The following IRAK2 variants were observed in gnomAD, a reference collection of about 807,000 sequenced individuals.
IRAK2 encodes the protein interleukin-1 receptor-associated kinase-like 2.
A neutral mutation model predicts 72.0 loss-of-function variants in IRAK2; 57 were observed. The observed-to-expected ratio is 0.79, with a 90% CI of 0.64 to 0.99. The LOEUF (loss-of-function observed/expected upper bound fraction) is 0.99, where lower values mean the gene tolerates loss of function less well. IRAK2 is among the 50% of genes least tolerant of loss of function. IRAK2 has a pLI of 0.00. For synonymous variants in IRAK2, 293 were observed against 312.7 expected, an observed-to-expected ratio of 0.94 and a Z score of 0.67; for missense variants, 790 against 794.4, an observed-to-expected ratio of 0.99 and a Z score of 0.07.
chr3:10,233,295 G>GC (rs916315895), intron 10 of IRAK2, among the ~76,000 whole-genome samples: 1 of 152,038 alleles, frequency 6.6e-6, no homozygotes, highest in Non-Finnish European at 1.5e-5. Context: ...CGAGTGATCT[G>GC]CCAGTCTCGG....
chr3:10,184,680 A>G (rs913579037), intron 2 of IRAK2, among the ~76,000 whole-genome samples: 2 of 150,200 alleles, frequency 1.3e-5, no homozygotes, highest in Non-Finnish European at 2.9e-5. Context: ...CAGAGGAGCA[A>G]TTGTAAAACT....
chr3:10,183,940 G>A (rs746651343), intron 2 of IRAK2, among the ~76,000 whole-genome samples: 4 of 152,110 alleles, frequency 2.6e-5, no homozygotes, highest in Non-Finnish European at 4.4e-5. Context: ...AAAGACAGGC[G>A]TTCGTTTCCC....
At chr3:10,179,255 C>G (rs1696924517) in intron 2 of IRAK2, among the ~76,000 whole-genome samples, 1 of 150,764 alleles carries the variant, frequency 6.6e-6, no homozygotes, top group South Asian at 2.1e-4. Flanking sequence ...TGTTTATGTT[C>G]CTTCTAGCAT....
chr3:10,177,900 G>A lies in IRAK2; in HGVS notation c.157G>A (p.Gly53Ser). ...RKIKSMERVQ[G>S]VSITRELLWW... ...GATCAAGTCCATGGAGCGGGTGCAG[G>A]GTGTGAGCATCACGCGGGAGCTGCT... Residue 53 changes from glycine (G) to serine (S), a missense_variant, in exon 2 of 13, where the codon GGT becomes AGT. Gly to Ser is a moderately conservative substitution (Grantham distance 56). Transcript: ENST00000256458. 1 of 1,613,874 alleles carries A rather than the reference G, an allele frequency of 6.2e-7. No individual in the cohort carries two copies. The highest frequency in any genetic ancestry group is 8.5e-7 in the Non-Finnish European group (1 of 1,180,030).
chr3:10,211,240 T>TAAGCGA (rs1697513467), intron 4 of IRAK2, among the ~76,000 whole-genome samples: 1 of 150,232 alleles, frequency 6.7e-6, no homozygotes, highest in Non-Finnish European at 1.5e-5. Flanking sequence ...TTCCCCAGTT[T>TAAGCGA]AAGCGATTCT....
At position 10,222,692 on chromosome 3, in the gene IRAK2, A is replaced by C. The variant is rs1037892241; in HGVS notation, c.1070A>C (p.His357Pro). ...LTPKLAHPMA[H>P]LCPVNKRSKY... ...CCCAAACTTGCTCACCCAATGGCTC[A>C]TCTGTGTCCTGTCAACAAAAGGTCA... The change falls in exon 9 of 13, where the codon CAT becomes CCT. Residue 357 changes from histidine to proline, a missense_variant. His to Pro is a moderately conservative substitution (Grantham distance 77, BLOSUM62 -2). Transcript: ENST00000256458. The C allele has an allele frequency of 1.9e-6, 3 of 1,614,062 alleles. No individual in the cohort carries two copies. The African/African-American group carries it at 4.0e-5, about 22-fold the overall frequency.
chr3:10,168,585 C>T (rs1160760629), intron 1 of IRAK2, among the ~76,000 whole-genome samples: 2 of 152,152 alleles, frequency 1.3e-5, no homozygotes, highest in Non-Finnish European at 2.9e-5. Flanking sequence ...TTTGCATTTC[C>T]CTAATGACTA....
chr3:10,219,050 T>C (rs1190011161), intron 7 of IRAK2, among the ~76,000 whole-genome samples: 1 of 151,962 alleles, frequency 6.6e-6, no homozygotes, highest in Non-Finnish European at 1.5e-5. Flanking sequence ...ATACAAAAAT[T>C]AGTTGAGAGT....
intron 2 of IRAK2, among the ~76,000 whole-genome samples, chr3:10,180,185 T>G (rs1696939272): frequency 6.6e-6 from 1 of 151,982 alleles, no homozygotes; most frequent in Admixed American, 6.6e-5. Flanking sequence ...GGGGGTCTGG[T>G]TACCCCCACC....
At chr3:10,241,452 A>C (rs1698059800) in intron 12 of IRAK2, among the ~76,000 whole-genome samples, 1 of 150,768 alleles carries the variant, frequency 6.6e-6, no homozygotes, top group African/African-American at 2.4e-5. Context: ...CCAGCTACTC[A>C]GGAGGCTAAG....
intron 7 of IRAK2, among the ~76,000 whole-genome samples, chr3:10,218,392 C>G (rs1697637041): frequency 6.8e-6 from 1 of 146,828 alleles, no homozygotes; most frequent in Non-Finnish European, 1.5e-5. Context: ...CCACTGCACT[C>G]CAGCCTGGGC....
chr3:10,170,862 T>C (rs1455757451), intron 1 of IRAK2, among the ~76,000 whole-genome samples: 1 of 152,238 alleles, frequency 6.6e-6, no homozygotes, highest in Admixed American at 6.5e-5. Flanking sequence ...CCAGTCCCAG[T>C]GCTCCAGTTC....
At chr3:10,183,460 G>A (rs1034181546) in intron 2 of IRAK2, among the ~76,000 whole-genome samples, 3 of 152,218 alleles carry the variant, frequency 2.0e-5, no homozygotes, top group Admixed American at 2.0e-4. Context: ...GCTCAAGCCT[G>A]TAATCCCAAC....
intron 10 of IRAK2, among the ~76,000 whole-genome samples, chr3:10,234,176 TTTG>T (rs1697911516): frequency 6.6e-6 from 1 of 152,110 alleles, no homozygotes; most frequent in Non-Finnish European, 1.5e-5. Context: ...TGTAGGTATT[TTTG>T]TTGTTCCCAT....
chr3:10,175,249 C>T (rs945565856), intron 1 of IRAK2, among the ~76,000 whole-genome samples: 4 of 152,088 alleles, frequency 2.6e-5, no homozygotes, highest in East Asian at 1.9e-4. Context: ...CTCAGCCTCC[C>T]GAGTAGCTGG....
chr3:10,171,302 G>A (rs910523256), intron 1 of IRAK2, among the ~76,000 whole-genome samples: 1 of 152,148 alleles, frequency 6.6e-6, no homozygotes. Flanking sequence ...TGTGACATCA[G>A]GCAGGTGACT....
chr3:10,231,839 A>G lies in IRAK2; in HGVS notation c.1273-2620A>G, dbSNP rs1053050867. On this transcript the variant is annotated intron_variant, in intron 10 of 12. Transcript: ENST00000256458. Reference sequence around the variant, plus strand: ...CATGGTTATGTTTCTTAAGACTCTTATTCTTGGCCGGGCACGGTGGCTCAA... The same window carrying G: ...CATGGTTATGTTTCTTAAGACTCTTGTTCTTGGCCGGGCACGGTGGCTCAA... 3.3e-5 allele frequency among the ~76,000 whole-genome samples: 5 copies of G among 151,668 alleles called. No homozygotes were observed. The East Asian group carries it at 9.8e-4, about 30-fold the overall frequency.
chr3:10,239,503 TGGCC>T (rs1698018850), intron 12 of IRAK2, among the ~76,000 whole-genome samples: 1 of 37,000 alleles, frequency 2.7e-5, no homozygotes. Flanking sequence ...GAGGTCACCC[TGGCC>T]AGATCACCTG....
Position 10,242,479 on chromosome 3 carries a change from G to T in IRAK2, c.*251G>T. The T allele has an allele frequency of 3.9e-6, 1 of 257,274 alleles. No homozygotes were observed. Among genetic ancestry groups the T allele is most frequent in the African/African-American group, 2.2e-5 (1 of 45,040 alleles). 15.9% of individuals were successfully genotyped at this position (257,274 alleles called of 1,614,324 possible). On this transcript the variant is annotated 3_prime_UTR_variant, in exon 13 of 13. Coordinates refer to ENST00000256458, the MANE Select transcript of IRAK2 (RefSeq NM_001570.4). ...TTAGTCAGAGCAGGGGATCAGAGGA[G>T]ACTGAAGCAGAAACCCTGCACACGG...
Sources: gnomAD v4.1 joint callset for allele counts (sites outside exome capture counted in the v4.1 genomes callset) on GRCh38, gnomAD v4.1.1 for gene constraint, MANE v1.5 for transcripts, NCBI Gene and HGNC (gene_info 2026-07-23, HGNC 2026-07-21) for gene names.